Variants in CHL1 observed in about 807,000 individuals in gnomAD.
The protein encoded by CHL1 is cell adhesion molecule L1 like, also known as neural cell adhesion molecule L1-like protein.
In CHL1, 96 loss-of-function variants were observed where a neutral mutation model predicts 141.9. The ratio of observed to expected loss-of-function variants is 0.68; its 90% CI spans 0.57 to 0.80. The LOEUF (loss-of-function observed/expected upper bound fraction) is 0.80. Ranked by LOEUF, CHL1 falls within the 30% of genes least tolerant of loss-of-function variation. The pLI is 0.00. For missense variants in CHL1, 1,820 were observed against 1,457.2 expected, an observed-to-expected ratio of 1.25 and a Z score of -4.05; for synonymous variants, 613 against 502.2, an observed-to-expected ratio of 1.22 and a Z score of -2.95.
chr3:264,817 G>A (rs1475606586), intron 2 of CHL1, among the ~76,000 whole-genome samples: 3 of 152,178 alleles, frequency 2.0e-5, no homozygotes, highest in Non-Finnish European at 4.4e-5. Context: ...AAATACCAGC[G>A]TACTTAGTGA....
intron 2 of CHL1, among the ~76,000 whole-genome samples, chr3:267,136 G>A (rs1057336604): frequency 1.4e-4 from 22 of 152,124 alleles, no homozygotes; most frequent in African/African-American, 4.8e-4. Context: ...TTTACTTTGT[G>A]CTCTTTCACA....
At chr3:218,553 G>A (rs1456925369) in intron 1 of CHL1, among the ~76,000 whole-genome samples, 1 of 152,110 alleles carries the variant, frequency 6.6e-6, no homozygotes, top group Non-Finnish European at 1.5e-5. Flanking sequence ...GTTGACTTTA[G>A]CACAAATTCC....
At chr3:244,850 A>G (rs1693009570) in intron 2 of CHL1, among the ~76,000 whole-genome samples, 158 bp downstream of exon 2, 1 of 152,186 alleles carries the variant, frequency 6.6e-6, no homozygotes, top group Non-Finnish European at 1.5e-5. Flanking sequence ...CAGATATATC[A>G]TATAGTGAAG....
rs1044138492 is a variant in CHL1, at chr3:366,065, C to T, written c.1701C>T (p.Ser567=). 2 of 1,613,824 alleles carry T rather than the reference C, an allele frequency of 1.2e-6. No individual in the cohort carries two copies. The highest frequency in any genetic ancestry group is 1.7e-6 in the Non-Finnish European group (2 of 1,179,862). Residue 567 remains serine (S), a synonymous_variant, in exon 15 of 28, where the codon TCC becomes TCT. Transcript: ENST00000256509. ...ATTTGAAACACAGTTTGAAGTTGTC[C>T]TGGAGTAAAGATGGAGAAGCCTTTG... ...DSHLKHSLKL[S]WSKDGEAFEI... is the part of the protein sequence containing the mutation.
At chr3:322,322 G>GA (rs969240473) in intron 3 of CHL1, among the ~76,000 whole-genome samples, 1 of 151,660 alleles carries the variant, frequency 6.6e-6, no homozygotes, top group South Asian at 2.1e-4. Context: ...AGAATTAATA[G>GA]AAAAAAATTA....
chr3:338,675 C>T (rs537061642), intron 5 of CHL1, among the ~76,000 whole-genome samples: 1 of 152,292 alleles, frequency 6.6e-6, no homozygotes, highest in South Asian at 2.1e-4. Flanking sequence ...TCCCTGTTTT[C>T]CAATATTCAT....
chr3:208,553 G>C (rs1003903649), intron 1 of CHL1, among the ~76,000 whole-genome samples: 1 of 152,156 alleles, frequency 6.6e-6, no homozygotes, highest in Non-Finnish European at 1.5e-5. Context: ...TGAAGGGAGT[G>C]GAAGGCTTGG....
intron 10 of CHL1, among the ~76,000 whole-genome samples, chr3:351,019 G>A (rs769274068): frequency 2.0e-5 from 3 of 151,914 alleles, no homozygotes; most frequent in Admixed American, 1.3e-4. Context: ...ACACACCCAC[G>A]AACCAGACAT....
At chr3:290,582 T>A (rs1166358437) in intron 2 of CHL1, among the ~76,000 whole-genome samples, 1 of 152,164 alleles carries the variant, frequency 6.6e-6, no homozygotes, top group Non-Finnish European at 1.5e-5. Context: ...CTGACTAACA[T>A]AATTTAGGAT....
intron 5 of CHL1, among the ~76,000 whole-genome samples, chr3:333,124 A>ATTTTTTTTTTTCTTTTTTTTTTTTTTTT (rs879790982): frequency 1.2e-5 from 1 of 83,314 alleles, no homozygotes; most frequent in Non-Finnish European, 2.1e-5. Context: ...TAATTGCTCT[A>ATTTTTTTTTTTCTTTTTTTTTTTTTTTT]TTTTTTTTAT....
chr3:338,277 G>A (rs911323326), intron 5 of CHL1, among the ~76,000 whole-genome samples: 1 of 152,128 alleles, frequency 6.6e-6, no homozygotes, highest in African/African-American at 2.4e-5. Flanking sequence ...GTACCCATGT[G>A]AAATATATTG....
chr3:327,985 T>C (rs745987044), intron 4 of CHL1, among the ~76,000 whole-genome samples, 182 bp from the exon 5 acceptor site: 2 of 152,212 alleles, frequency 1.3e-5, no homozygotes, highest in East Asian at 3.9e-4. Flanking sequence ...CAAGCTGTTT[T>C]ATGGACAGTA....
In CHL1 at chr3:390,708, T is replaced by C; in HGVS notation, c.2478T>C (p.Asp826=). Residue 826 remains aspartate, a synonymous_variant, in exon 21 of 28, where the codon GAT becomes GAC. Transcript: ENST00000256509. ...ATCTTCTATGATTAACAGATCCTGA[T>C]ACAGCTCCAGTGATCCATGGGGTGG... is the stretch of plus-strand genomic sequence containing the variant. ...VTLYSGEDYP[D]TAPVIHGVDV... The C allele has an allele frequency of 1.3e-6, 2 of 1,567,616 alleles. No homozygotes were observed. Among genetic ancestry groups the C allele is most frequent in the Non-Finnish European group, 1.8e-6 (2 of 1,137,954 alleles).
At chr3:259,349 G>A (rs1013258903) in intron 2 of CHL1, among the ~76,000 whole-genome samples, 1 of 149,704 alleles carries the variant, frequency 6.7e-6, no homozygotes, top group Admixed American at 6.6e-5. Flanking sequence ...ATATAGTGGG[G>A]GTGGGGCAGG....
intron 1 of CHL1, among the ~76,000 whole-genome samples, chr3:206,793 C>G (rs1324632360): frequency 6.6e-6 from 1 of 152,176 alleles, no homozygotes; most frequent in Non-Finnish European, 1.5e-5. Flanking sequence ...AAACTTCACT[C>G]TCATTATCAT....
chr3:266,833 T>A (rs886911780), intron 2 of CHL1, among the ~76,000 whole-genome samples: 7 of 152,168 alleles, frequency 4.6e-5, no homozygotes, highest in African/African-American at 1.7e-4. Flanking sequence ...ATGCAATTAT[T>A]TACACTTCAT....
intron 2 of CHL1, among the ~76,000 whole-genome samples, chr3:296,434 CT>C (rs5845962): frequency 6.6e-6 from 1 of 151,536 alleles, no homozygotes; most frequent in East Asian, 1.9e-4. Flanking sequence ...TTCTCTCATG[CT>C]TTTTTTTCTT....
At chr3:219,685 G>T (rs1700653271) in intron 1 of CHL1, among the ~76,000 whole-genome samples, 1 of 152,138 alleles carries the variant, frequency 6.6e-6, no homozygotes, top group South Asian at 2.1e-4. Context: ...ACACACACTG[G>T]GGCCTACTTG....
At chr3:261,344 A>C (rs1694701756) in intron 2 of CHL1, among the ~76,000 whole-genome samples, 1 of 152,142 alleles carries the variant, frequency 6.6e-6, no homozygotes, top group Non-Finnish European at 1.5e-5. Flanking sequence ...AAAGAAGGAA[A>C]GAGGAGAAGA....
Sources: allele counts gnomAD v4.1 joint callset (sites outside exome capture counted in the v4.1 genomes callset), GRCh38; gene constraint gnomAD v4.1.1; transcripts MANE v1.5; gene names NCBI Gene and HGNC (gene_info 2026-07-23, HGNC 2026-07-21).